The following DIAPH3 variants were observed in gnomAD, a reference collection of about 807,000 sequenced individuals.
The protein encoded by DIAPH3 is protein diaphanous homolog 3.
DIAPH3 carries 117 observed loss-of-function variants against 144.3 expected under a neutral mutation model. That is an observed-to-expected ratio of 0.81 (90% CI 0.70 to 0.95). The LOEUF is 0.95. Among genes scored for constraint, DIAPH3 ranks in the 40% least tolerant of loss-of-function variants. The probability of loss-of-function intolerance (pLI) is 0.00; values close to 1 mark genes in which losing one functional copy is unlikely to be tolerated. For missense variants in DIAPH3, 1,421 were observed against 1,412.7 expected, an observed-to-expected ratio of 1.01 and a Z score of -0.09; for synonymous variants, 519 against 488.9, an observed-to-expected ratio of 1.06 and a Z score of -0.81.
intron 5 of DIAPH3, among the ~76,000 whole-genome samples, chr13:60,018,558 C>A (rs2053807171): frequency 6.6e-6 from 1 of 152,144 alleles, no homozygotes; most frequent in Non-Finnish European, 1.5e-5. Flanking sequence ...CTCTTCTAAA[C>A]TACAGAATAT....
chr13:59,887,497 T>A (rs528339548), intron 20 of DIAPH3, among the ~76,000 whole-genome samples: 1 of 152,238 alleles, frequency 6.6e-6, no homozygotes, highest in South Asian at 2.1e-4. Context: ...AATTAGGTTA[T>A]GCAATTTTTA....
intron 22 of DIAPH3, among the ~76,000 whole-genome samples, chr13:59,845,470 T>C (rs1739003168): frequency 6.6e-6 from 1 of 152,186 alleles, no homozygotes; most frequent in African/African-American, 2.4e-5. Flanking sequence ...AGCTGCCCCT[T>C]TCCTGTTCAA....
At chr13:59,714,355 G>A (rs556351970) in intron 27 of DIAPH3, among the ~76,000 whole-genome samples, 5,949 of 58,600 alleles carry the variant, frequency 0.1, 214 homozygotes, top group South Asian at 0.29. Context: ...GCGAGACTCC[G>A]TCTCAAAAAA....
intron 4 of DIAPH3, among the ~76,000 whole-genome samples, chr13:60,060,180 A>G (rs916211083): frequency 2.0e-5 from 3 of 152,118 alleles, no homozygotes; most frequent in African/African-American, 7.2e-5. Context: ...AAACATAAAC[A>G]GAACAAAATC....
chr13:60,122,702 C>T (rs1380969444), intron 2 of DIAPH3, among the ~76,000 whole-genome samples: 1 of 151,964 alleles, frequency 6.6e-6, no homozygotes, highest in African/African-American at 2.4e-5. Flanking sequence ...TTTATATATT[C>T]AATAGGAAAA....
At chr13:59,794,347 C>T (rs2039476942) in intron 25 of DIAPH3, among the ~76,000 whole-genome samples, 1 of 152,122 alleles carries the variant, frequency 6.6e-6, no homozygotes, top group South Asian at 2.1e-4. Context: ...AATGGCACCA[C>T]CTACTCATGT....
rs60853102 is a variant in DIAPH3 at position 60,105,099 on chromosome 13, C to CAAAAAAAAAA, written c.390+6901_390+6910dup. 1.6e-3 allele frequency among the ~76,000 whole-genome samples: 66 copies of CAAAAAAAAAA among 41,718 alleles called. 2 individuals carry two copies. The highest frequency in any genetic ancestry group is 2.1e-3 in the Non-Finnish European group (48 of 22,696). The allele number at this position is 41,718 out of a possible 152,430, so 27.4% of individuals were successfully genotyped here. A position where few individuals can be genotyped will look rare whatever the true frequency, so the allele number is the denominator to read the frequency against. On this transcript the variant is annotated intron_variant, in intron 3 of 27. Transcript: ENST00000400324. ...TGGGCGACAAAGTGAGACACGATCT[C>CAAAAAAAAAA]AAAAAAAAAAAAAAAAAAAAAAAAA...
intron 17 of DIAPH3, among the ~76,000 whole-genome samples, chr13:59,968,137 G>A (rs1384321850): frequency 6.6e-6 from 1 of 152,072 alleles, no homozygotes; most frequent in African/African-American, 2.4e-5. Context: ...TGAATCTCAA[G>A]GCTAAAGTTA....
chr13:59,812,248 GCATCCATCCATCCATCCATC>G (rs67202819), intron 24 of DIAPH3, among the ~76,000 whole-genome samples: 16 of 150,132 alleles, frequency 1.1e-4, no homozygotes, highest in South Asian at 4.3e-4. Context: ...ATGCATGCAT[GCATCCATCCATCCATCCATC>G]CATCCATCCA....
At chr13:59,782,938 G>T (rs904872825) in intron 25 of DIAPH3, among the ~76,000 whole-genome samples, 1 of 152,188 alleles carries the variant, frequency 6.6e-6, no homozygotes, top group African/African-American at 2.4e-5. Flanking sequence ...GGGTAACGCT[G>T]CGAGGTGAAG....
At chr13:60,059,038 T>G (rs2056665130) in intron 4 of DIAPH3, among the ~76,000 whole-genome samples, 1 of 151,846 alleles carries the variant, frequency 6.6e-6, no homozygotes, top group South Asian at 2.1e-4. Context: ...AAATTAAAAA[T>G]ATTAATTAGA....
At chr13:60,132,666 G>A (rs2138234904) in intron 2 of DIAPH3, among the ~76,000 whole-genome samples, 1 of 151,980 alleles carries the variant, frequency 6.6e-6, no homozygotes, top group East Asian at 1.9e-4. Context: ...CTTTTTTGAA[G>A]TGTGCAACTC....
intron 7 of DIAPH3, 147 bp from the exon 8 acceptor site, chr13:60,010,816 A>G (rs1327634201): frequency 1.2e-6 from 1 of 822,022 alleles, no homozygotes; most frequent in Non-Finnish European, 1.8e-6. Flanking sequence ...ACACTCTAAA[A>G]AGTTCATGGC....
At chr13:60,136,177 T>G (rs1198518410) in intron 1 of DIAPH3, among the ~76,000 whole-genome samples, 3 of 152,192 alleles carry the variant, frequency 2.0e-5, no homozygotes, top group Non-Finnish European at 4.4e-5. Context: ...AAGGGTAATA[T>G]CCTTAATTAA....
intron 27 of DIAPH3, among the ~76,000 whole-genome samples, chr13:59,749,926 C>A (rs1163930055): frequency 6.6e-6 from 1 of 152,102 alleles, no homozygotes; most frequent in Non-Finnish European, 1.5e-5. Flanking sequence ...TTAGCTATCT[C>A]CCTGGAAAGA....
intron 17 of DIAPH3, among the ~76,000 whole-genome samples, chr13:59,967,130 G>T (rs1300660842): frequency 6.6e-6 from 1 of 152,032 alleles, no homozygotes. Flanking sequence ...GCAGTGGCGT[G>T]ATCCTGGCTC....
chr13:59,744,139 T>C (rs207473839), intron 27 of DIAPH3, among the ~76,000 whole-genome samples: 1 of 152,216 alleles, frequency 6.6e-6, no homozygotes, highest in Non-Finnish European at 1.5e-5. Flanking sequence ...TCTGCATGTA[T>C]ATAACTTTTC....
chr13:60,010,386 A>G (rs2053161894), intron 8 of DIAPH3, 147 bp downstream of exon 8: 2 of 787,144 alleles, frequency 2.5e-6, no homozygotes, highest in East Asian at 2.9e-5. Context: ...TTTCCAGCCA[A>G]TAAGAAACTA....
At chr13:59,897,880 CCAG>C (rs2046210143) in intron 20 of DIAPH3, among the ~76,000 whole-genome samples, 1 of 151,624 alleles carries the variant, frequency 6.6e-6, no homozygotes, top group South Asian at 2.1e-4. Flanking sequence ...GCCTGTAATT[CCAG>C]CACTTTGGGA....
Sources: allele counts gnomAD v4.1 joint callset (sites outside exome capture counted in the v4.1 genomes callset), GRCh38; gene constraint gnomAD v4.1.1; transcripts MANE v1.5; gene names NCBI Gene and HGNC (gene_info 2026-07-23, HGNC 2026-07-21).